Variants in EEPD1 observed in about 807,000 individuals in gnomAD.
EEPD1 encodes endonuclease/exonuclease/phosphatase family domain containing 1.
EEPD1 carries 17 observed loss-of-function variants against 46.3 expected under a neutral mutation model. The ratio of observed to expected loss-of-function variants is 0.37; its 90% CI spans 0.25 to 0.55. The LOEUF (loss-of-function observed/expected upper bound fraction) is 0.55. Ranked by LOEUF, EEPD1 falls within the 20% of genes least tolerant of loss-of-function variation. The pLI, the probability that EEPD1 is intolerant of heterozygous loss-of-function variation, is 0.83. For synonymous variants in EEPD1, 313 were observed against 315.6 expected (o/e 0.99, Z 0.09); for missense variants, 673 against 745.6 (o/e 0.90, Z 1.13).
chr7:36,187,753 T>C (rs752680220), intron 2 of EEPD1, among the ~76,000 whole-genome samples: 13 of 152,228 alleles, frequency 8.5e-5, no homozygotes, highest in Non-Finnish European at 1.9e-4. Flanking sequence ...CCCGTTTCTT[T>C]ACTTATTAGT....
intron 2 of EEPD1, among the ~76,000 whole-genome samples, chr7:36,182,604 C>T (rs769965840): frequency 6.6e-5 from 10 of 152,364 alleles, no homozygotes; most frequent in Non-Finnish European, 1.3e-4. Flanking sequence ...GCGTTTGCCC[C>T]GCCTGGGGCC....
intron 3 of EEPD1, among the ~76,000 whole-genome samples, chr7:36,279,077 T>C (rs1384044184): frequency 7.6e-6 from 1 of 132,318 alleles, no homozygotes. Context: ...TAAGGAGAAA[T>C]TCCCACCACC....
chr7:36,300,700 A>G lies in EEPD1; in HGVS notation c.*1494A>G, dbSNP rs1299749544. ...AGCTGATGGGCCGTGAAGGGGGCCT[A>G]TTTTTCTCCAAAGGCCATCCTTTTG... is the stretch of plus-strand genomic sequence containing the variant. On this transcript the variant is annotated 3_prime_UTR_variant, in exon 8 of 8. Transcript: ENST00000242108. The G allele has an allele frequency of 2.0e-5, 3 of 152,046 alleles. No individual in the cohort carries two copies. Among genetic ancestry groups the G allele is most frequent in the African/African-American group, 7.3e-5 (3 of 41,372 alleles). The allele number at this position is 152,046 out of a possible 1,614,324, so 9.4% of individuals were successfully genotyped here.
intron 3 of EEPD1, among the ~76,000 whole-genome samples, chr7:36,278,077 G>A (rs1312332300): frequency 6.6e-6 from 1 of 152,162 alleles, no homozygotes; most frequent in African/African-American, 2.4e-5. Context: ...TCTAGGCCCC[G>A]CCCCTGAGAA....
At chr7:36,197,386 C>T (rs1785623627) in intron 2 of EEPD1, among the ~76,000 whole-genome samples, 1 of 152,202 alleles carries the variant, frequency 6.6e-6, no homozygotes, top group African/African-American at 2.4e-5. Context: ...AGCCCCTCTG[C>T]CCGGCCACCA....
At chr7:36,265,292 T>C (rs1786996336) in intron 3 of EEPD1, among the ~76,000 whole-genome samples, 1 of 151,770 alleles carries the variant, frequency 6.6e-6, no homozygotes, top group African/African-American at 2.4e-5. Flanking sequence ...GAGAGTGAAC[T>C]AGTCTTCAGT....
intron 2 of EEPD1, among the ~76,000 whole-genome samples, chr7:36,173,627 G>A (rs905901696): frequency 2.0e-5 from 3 of 152,138 alleles, no homozygotes; most frequent in Non-Finnish European, 4.4e-5. Flanking sequence ...GCAGAACTGT[G>A]AGTCAATTAA....
chr7:36,242,366 A>G (rs938601181), intron 3 of EEPD1, among the ~76,000 whole-genome samples: 53 of 152,100 alleles, frequency 3.5e-4, no homozygotes, highest in African/African-American at 1.3e-3. Flanking sequence ...GTGACCAGTA[A>G]GAAGCTTTAC....
intron 2 of EEPD1, among the ~76,000 whole-genome samples, chr7:36,157,902 C>G (rs1220456022): frequency 6.6e-6 from 1 of 152,156 alleles, no homozygotes; most frequent in African/African-American, 2.4e-5. Flanking sequence ...AGAAATCTCT[C>G]CCCTTCCAAT....
intron 3 of EEPD1, among the ~76,000 whole-genome samples, chr7:36,257,853 GT>G (rs1358963976): frequency 6.6e-6 from 1 of 152,172 alleles, no homozygotes; most frequent in Admixed American, 6.5e-5. Context: ...TTTCTGTCCA[GT>G]TTTGTTCCCT....
At chr7:36,276,262 G>A (rs1175446887) in intron 3 of EEPD1, among the ~76,000 whole-genome samples, 1 of 152,158 alleles carries the variant, frequency 6.6e-6, no homozygotes, top group African/African-American at 2.4e-5. Flanking sequence ...AAACCAAGAT[G>A]GCAATGAAAG....
chr7:36,172,549 G>A (rs1416812658), intron 2 of EEPD1, among the ~76,000 whole-genome samples: 1 of 151,014 alleles, frequency 6.6e-6, no homozygotes, highest in Non-Finnish European at 1.5e-5. Flanking sequence ...CCTGCAGGCT[G>A]CATGCAGCCC....
intron 2 of EEPD1, among the ~76,000 whole-genome samples, chr7:36,165,788 G>A (rs1434280425): frequency 1.3e-5 from 2 of 151,938 alleles, no homozygotes; most frequent in Non-Finnish European, 2.9e-5. Flanking sequence ...GTACATGATT[G>A]TATTTATGAA....
At chr7:36,281,003 T>C in intron 3 of EEPD1, 112 bp from the exon 4 acceptor site, 4 of 796,072 alleles carry the variant, frequency 5.0e-6, no homozygotes, top group Non-Finnish European at 8.1e-6. Flanking sequence ...CAGCAGTGTC[T>C]GAATAAGGCT....
At chr7:36,174,388 G>A (rs1292757537) in intron 2 of EEPD1, among the ~76,000 whole-genome samples, 21 of 152,154 alleles carry the variant, frequency 1.4e-4, no homozygotes, top group Admixed American at 1.4e-3. Flanking sequence ...ATCTTATGAG[G>A]AAGCGTAACA....
chr7:36,287,601 C>A (rs1481703599), intron 5 of EEPD1, 38 bp from the exon 6 acceptor site: 1 of 1,602,176 alleles, frequency 6.2e-7, no homozygotes, highest in Non-Finnish European at 8.5e-7. Flanking sequence ...ATATGAGCTT[C>A]TGAGCCTCTC....
intron 6 of EEPD1, among the ~76,000 whole-genome samples, chr7:36,289,323 T>C (rs1420035504): frequency 6.6e-6 from 1 of 152,178 alleles, no homozygotes; most frequent in Admixed American, 6.5e-5. Context: ...CATTCAACGA[T>C]ATCTCCCCAT....
At chr7:36,236,505 G>GT (rs1030252842) in intron 2 of EEPD1, among the ~76,000 whole-genome samples, 9 of 152,190 alleles carry the variant, frequency 5.9e-5, no homozygotes, top group African/African-American at 2.2e-4. Context: ...CCTCTTGATT[G>GT]TCTGGGACGA....
intron 3 of EEPD1, among the ~76,000 whole-genome samples, chr7:36,256,198 A>T (rs1209896712): frequency 6.6e-6 from 1 of 151,970 alleles, no homozygotes; most frequent in Non-Finnish European, 1.5e-5. Flanking sequence ...GACTGTTATG[A>T]TTTCCATTGT....
Sources: gnomAD v4.1 joint callset for allele counts (sites outside exome capture counted in the v4.1 genomes callset) on GRCh38, gnomAD v4.1.1 for gene constraint, MANE v1.5 for transcripts, NCBI Gene and HGNC (gene_info 2026-07-23, HGNC 2026-07-21) for gene names.